NCKAP5: variants seen among roughly 807,000 people sequenced by gnomAD.
NCKAP5 encodes NCK associated protein 5.
NCKAP5 carries 92 observed loss-of-function variants against 167.0 expected under a neutral mutation model. The ratio of observed to expected loss-of-function variants is 0.55; its 90% confidence interval spans 0.47 to 0.66. NCKAP5 has a LOEUF of 0.66. Among genes scored for constraint, NCKAP5 ranks in the 30% least tolerant of loss-of-function variants. NCKAP5 has a pLI of 0.00. For synonymous variants in NCKAP5, 891 were observed against 877.4 expected, an observed-to-expected ratio of 1.02 and a Z score of -0.27; for missense variants, 2,378 against 2,315.0, an observed-to-expected ratio of 1.03 and a Z score of -0.56.
chr2:133,407,536 C>G (rs904506279), intron 3 of NCKAP5, among the ~76,000 whole-genome samples: 2 of 152,182 alleles, frequency 1.3e-5, no homozygotes, highest in African/African-American at 4.8e-5. Flanking sequence ...ACCCTCTCCA[C>G]GTGGTGCAGG....
Position 132,716,396 on chromosome 2 carries a change from C to T in NCKAP5, c.5713+9231G>A, listed in dbSNP as rs187700415. 7.2e-5 allele frequency among the ~76,000 whole-genome samples: 11 copies of T among 152,314 alleles called. No individual in the cohort carries two copies. In the East Asian group the frequency reaches 1.9e-3, roughly 27 times the overall value. ...GTGTTTATTTATTTAGCACCATTGCCTAGTTCCGTTGCCTAGTTTTCTTTC... is the reference window on the plus strand; with the variant it reads ...GTGTTTATTTATTTAGCACCATTGCTTAGTTCCGTTGCCTAGTTTTCTTTC... On this transcript the variant is annotated intron_variant, in intron 19 of 19. Transcript: ENST00000409261.
the NCKAP5 span, among the ~76,000 whole-genome samples, chr2:133,647,196 G>A: frequency 6.6e-6 from 1 of 151,854 alleles, no homozygotes; most frequent in South Asian, 2.1e-4. Flanking sequence ...ATTCAGCTGG[G>A]CATGGTTGTG....
intron 6 of NCKAP5, among the ~76,000 whole-genome samples, chr2:132,999,523 G>C (rs1263397937): frequency 6.6e-6 from 1 of 152,158 alleles, no homozygotes; most frequent in Non-Finnish European, 1.5e-5. Flanking sequence ...CTTTCTGAAA[G>C]AAAATGTTAA....
chr2:132,712,579 A>G (rs915860421), intron 19 of NCKAP5, among the ~76,000 whole-genome samples: 20 of 151,984 alleles, frequency 1.3e-4, no homozygotes, highest in Admixed American at 1.0e-3. Context: ...GTGAACCCGG[A>G]AGGCGGAGCT....
intron 16 of NCKAP5, among the ~76,000 whole-genome samples, chr2:132,765,556 G>T (rs1296823741): frequency 9.9e-6 from 1 of 100,754 alleles, no homozygotes; most frequent in Non-Finnish European, 1.9e-5. Flanking sequence ...CTTGTGACCT[G>T]CCCGCCTCAG....
intron 8 of NCKAP5, among the ~76,000 whole-genome samples, chr2:132,910,098 T>A (rs549413205): frequency 2.0e-5 from 3 of 152,276 alleles, no homozygotes; most frequent in African/African-American, 7.2e-5. Context: ...CATAATATTT[T>A]AAATTTTTTT....
chr2:132,801,785 A>G (rs1685059245), intron 11 of NCKAP5, among the ~76,000 whole-genome samples: 1 of 152,156 alleles, frequency 6.6e-6, no homozygotes, highest in African/African-American at 2.4e-5. Flanking sequence ...TCTGTAATTC[A>G]AGGCAGAGAA....
At chr2:133,276,229 A>G (rs1053841906) in intron 4 of NCKAP5, among the ~76,000 whole-genome samples, 1 of 152,136 alleles carries the variant, frequency 6.6e-6, no homozygotes, top group African/African-American at 2.4e-5. Flanking sequence ...CATACAAAAT[A>G]TGTGTTAATA....
chr2:132,962,765 G>T (rs2076555305), intron 8 of NCKAP5, among the ~76,000 whole-genome samples: 1 of 152,008 alleles, frequency 6.6e-6, no homozygotes, highest in African/African-American at 2.4e-5. Flanking sequence ...TAATTTTTTT[G>T]TATTTTTAGT....
intron 8 of NCKAP5, among the ~76,000 whole-genome samples, chr2:132,948,277 G>A (rs1220237572): frequency 6.6e-6 from 1 of 152,130 alleles, no homozygotes; most frequent in Admixed American, 6.5e-5. Flanking sequence ...GTTAGGGGGG[G>A]AAGCTTGGCT....
At chr2:132,803,286 T>C (rs1031286485) in intron 11 of NCKAP5, among the ~76,000 whole-genome samples, 2 of 152,204 alleles carry the variant, frequency 1.3e-5, no homozygotes, top group African/African-American at 4.8e-5. Context: ...TCTGCAACAG[T>C]CCTTGTTGCA....
intron 11 of NCKAP5, among the ~76,000 whole-genome samples, chr2:132,833,036 C>G (rs1055445386): frequency 5.9e-5 from 9 of 152,244 alleles, no homozygotes; most frequent in African/African-American, 2.2e-4. Flanking sequence ...TCCTTCACAA[C>G]ATCCATTCTT....
At chr2:132,954,710 C>T (rs557076552) in intron 8 of NCKAP5, 7 of 450,654 alleles carry the variant, frequency 1.6e-5, no homozygotes, top group South Asian at 9.5e-5. Flanking sequence ...ACAATAATAA[C>T]AAAAAGACTA....
At chr2:132,869,057 C>CG in intron 9 of NCKAP5, 83 bp from the exon 10 acceptor site, 3 of 1,009,698 alleles carry the variant, frequency 3.0e-6, no homozygotes, top group Non-Finnish European at 4.3e-6. Context: ...AAGTTTCTCG[C>CG]AGCTTATTGT....
At chr2:133,002,839 G>A (rs1573700953) in intron 6 of NCKAP5, among the ~76,000 whole-genome samples, 1 of 152,242 alleles carries the variant, frequency 6.6e-6, no homozygotes, top group African/African-American at 2.4e-5. Flanking sequence ...TGAACCTAAT[G>A]GATTTTTTAC....
chr2:133,249,156 C>T (rs1237763847), intron 4 of NCKAP5, among the ~76,000 whole-genome samples: 1 of 152,098 alleles, frequency 6.6e-6, no homozygotes, highest in Non-Finnish European at 1.5e-5. Context: ...AATGAGTTAC[C>T]TTACACGGTA....
At position 132,725,777 on chromosome 2, in the gene NCKAP5, G is replaced by T; in HGVS notation, c.5581-18C>A. Reference sequence around the variant, plus strand: ...GCCTTGTCCTAAATGAGTAATATGAGACTGTTAAGATAATTCATACAAATC... The same window carrying T: ...GCCTTGTCCTAAATGAGTAATATGATACTGTTAAGATAATTCATACAAATC... On this transcript the variant is annotated intron_variant, in intron 18 of 19. Coordinates refer to ENST00000409261, the MANE Select transcript of NCKAP5 (RefSeq NM_207363.3). 1 of 1,611,200 alleles carries T rather than the reference G, an allele frequency of 6.2e-7. No homozygotes were observed. Among genetic ancestry groups the T allele is most frequent in the South Asian group, 1.1e-5 (1 of 90,328 alleles).
intron 5 of NCKAP5, among the ~76,000 whole-genome samples, chr2:133,173,988 C>T (rs1207335684): frequency 6.6e-6 from 1 of 152,006 alleles, no homozygotes; most frequent in African/African-American, 2.4e-5. Flanking sequence ...TTTTTTCCCC[C>T]AGTGATTAAA....
intron 19 of NCKAP5, among the ~76,000 whole-genome samples, chr2:132,720,209 GC>G (rs1051611344): frequency 1.6e-4 from 25 of 152,128 alleles, no homozygotes; most frequent in African/African-American, 5.8e-4. Context: ...TGTTTGTCAT[GC>G]CCAACTTGGC....
Sources: allele counts gnomAD v4.1 joint callset (sites outside exome capture counted in the v4.1 genomes callset), GRCh38; gene constraint gnomAD v4.1.1; transcripts MANE v1.5; gene names NCBI Gene and HGNC (gene_info 2026-07-23, HGNC 2026-07-21).